Variants in SCN10A observed in about 807,000 individuals in gnomAD.
SCN10A encodes sodium channel protein type 10 subunit alpha.
In SCN10A, 162 loss-of-function variants were observed where a neutral mutation model predicts 170.7. The observed-to-expected ratio is 0.95, with a 90% confidence interval of 0.84 to 1.08. The LOEUF is 1.08. Among genes scored for constraint, SCN10A ranks in the 50% least tolerant of loss-of-function variants. The pLI is 0.00. For missense variants in SCN10A, 2,527 were observed against 2,436.9 expected, an observed-to-expected ratio of 1.04 and a Z score of -0.78; for synonymous variants, 985 against 904.6, an observed-to-expected ratio of 1.09 and a Z score of -1.59.
intron 1 of SCN10A, among the ~76,000 whole-genome samples, chr3:38,799,259 A>G (rs2126063876): frequency 6.6e-6 from 1 of 152,114 alleles, no homozygotes; most frequent in Admixed American, 6.5e-5. Flanking sequence ...TGAGGGCCAG[A>G]CCCAGGCCTA....
chr3:38,733,690 C>T (rs868177326), intron 15 of SCN10A, among the ~76,000 whole-genome samples: 19 of 151,842 alleles, frequency 1.3e-4, no homozygotes, highest in Middle Eastern at 3.4e-3. Flanking sequence ...TAATTTCTTT[C>T]CTTTTCTTTT....
chr3:38,798,916 AGTAGTGGAACTACAG>A (rs1408208120), intron 1 of SCN10A, among the ~76,000 whole-genome samples: 1 of 149,944 alleles, frequency 6.7e-6, no homozygotes, highest in Non-Finnish European at 1.5e-5. Flanking sequence ...CAGCCTCCCA[AGTAGTGGAACTACAG>A]GTATGTGCCA....
At chr3:38,779,541 A>G (rs984083498) in intron 4 of SCN10A, among the ~76,000 whole-genome samples, 1 of 151,860 alleles carries the variant, frequency 6.6e-6, no homozygotes, top group African/African-American at 2.4e-5. Flanking sequence ...GCTTTTTATA[A>G]TTATTAACTT....
At chr3:38,750,917 C>T (rs571650383) in intron 12 of SCN10A, among the ~76,000 whole-genome samples, 12 of 152,320 alleles carry the variant, frequency 7.9e-5, no homozygotes, top group Non-Finnish European at 8.8e-5. Context: ...GCACTCCCAG[C>T]GAGCCCTGCA....
chr3:38,798,741 C>T (rs2064354581), intron 1 of SCN10A, among the ~76,000 whole-genome samples: 1 of 151,216 alleles, frequency 6.6e-6, no homozygotes. Context: ...GGGCATTCAG[C>T]CCTCCCAAGA....
rs759383943 is a variant in SCN10A, at chr3:38,698,222, G to A, written c.4998C>T (p.Leu1666=). The change falls in exon 28 of 28, where the codon CTC becomes CTT. Residue 1666 remains leucine (L), a synonymous_variant. Transcript: ENST00000449082. ...GCCCTGTGTTGAGGATGGGGCTGAG[G>A]AGGCCATCCCAGCCGGCCGACGTGG... ...QITTSAGWDG[L]LSPILNTGPP... The A allele has an allele frequency of 1.2e-6, 2 of 1,614,158 alleles. No individual in the cohort carries two copies. The highest frequency in any genetic ancestry group is 1.7e-6 in the Non-Finnish European group (2 of 1,180,034).
At chr3:38,808,497 T>C (rs1392822113) in intron 1 of SCN10A, among the ~76,000 whole-genome samples, 1 of 152,230 alleles carries the variant, frequency 6.6e-6, no homozygotes, top group Non-Finnish European at 1.5e-5. Flanking sequence ...CATGTTCATA[T>C]CTTCCTCTGC....
chr3:38,808,067 C>T (rs572945753), intron 1 of SCN10A, among the ~76,000 whole-genome samples: 2 of 152,294 alleles, frequency 1.3e-5, no homozygotes, highest in Non-Finnish European at 1.5e-5. Context: ...ACATTCACCC[C>T]GTGTGAATGT....
At chr3:38,716,569 G>A (rs1312673354) in intron 21 of SCN10A, among the ~76,000 whole-genome samples, 3 of 152,080 alleles carry the variant, frequency 2.0e-5, no homozygotes, top group African/African-American at 4.8e-5. Flanking sequence ...CCAGTCTTAG[G>A]TATGTCTTTA....
chr3:38,814,237 T>C (rs951306548), intron 1 of SCN10A, among the ~76,000 whole-genome samples: 1 of 152,096 alleles, frequency 6.6e-6, no homozygotes, highest in Non-Finnish European at 1.5e-5. Context: ...GGATGCAAAC[T>C]GAATGAGAAA....
At chr3:38,769,239 C>CTTTTTTTTT (rs56406440) in intron 5 of SCN10A, among the ~76,000 whole-genome samples, 26 of 109,956 alleles carry the variant, frequency 2.4e-4, no homozygotes, top group Admixed American at 4.5e-4. Flanking sequence ...CTTCTGAATT[C>CTTTTTTTTT]TTTTTTTTTT....
At chr3:38,768,995 C>T (rs2063966934) in intron 5 of SCN10A, among the ~76,000 whole-genome samples, 1 of 152,024 alleles carries the variant, frequency 6.6e-6, no homozygotes, top group Admixed American at 6.5e-5. Flanking sequence ...CTATTAAAAG[C>T]TTTGTCTTCG....
chr3:38,737,267 G>C (rs185779729), intron 15 of SCN10A, among the ~76,000 whole-genome samples: 107 of 152,208 alleles, frequency 7.0e-4, no homozygotes, highest in African/African-American at 2.5e-3. Context: ...ACCGCGCCCA[G>C]CCTCGTATTT....
chr3:38,756,088 G>T, intron 10 of SCN10A, 130 bp from the exon 11 acceptor site: 1 of 969,596 alleles, frequency 1.0e-6, no homozygotes, highest in Non-Finnish European at 1.6e-6. Context: ...GACCAGGGTG[G>T]TGGTGGGATT....
chr3:38,708,502 G>T (rs1422945123), intron 25 of SCN10A, among the ~76,000 whole-genome samples: 1 of 152,178 alleles, frequency 6.6e-6, no homozygotes, highest in Non-Finnish European at 1.5e-5. Context: ...CAGAACCCTG[G>T]GCAAGGATTT....
chr3:38,739,489 C>A (rs778233737), intron 15 of SCN10A, 26 bp downstream of exon 15: 1 of 1,604,772 alleles, frequency 6.2e-7, no homozygotes, highest in Non-Finnish European at 8.5e-7. Context: ...GGGAGTTTCC[C>A]CAAGCCATCA....
intron 25 of SCN10A, among the ~76,000 whole-genome samples, chr3:38,709,110 G>T (rs949031974): frequency 2.6e-5 from 4 of 152,148 alleles, no homozygotes; most frequent in African/African-American, 9.7e-5. Context: ...TTCCTGAGGT[G>T]CCCTGACTCA....
chr3:38,728,544 C>A lies in SCN10A; in HGVS notation c.2638G>T (p.Val880Leu). The part of the protein sequence containing the change: ...FLTVMVLGNL[V>L]VLNLFIALLL... ...CCCCAGCAGGGTTCACCACTCACCA[C>A]CAGGTTCCCTAGCACCATCACCGTC... The change falls in exon 16 of 28, where the codon GTG (valine) becomes TTG (leucine). Residue 880 changes from valine (V) to leucine (L), a missense_variant and splice_region_variant. Transcript: ENST00000449082. 2 of 1,577,838 alleles carry A rather than the reference C, an allele frequency of 1.3e-6. No homozygotes were observed. The highest frequency in any genetic ancestry group is 1.7e-6 in the Non-Finnish European group (2 of 1,158,374).
Position 38,715,239 on chromosome 3 carries a change from T to C in SCN10A, c.3682-1159A>G, listed in dbSNP as rs1181767264. Among the ~76,000 whole-genome samples, 4 of 152,126 alleles carry C rather than the reference T, an allele frequency of 2.6e-5. No homozygotes were observed. In the East Asian group the frequency reaches 7.7e-4, roughly 29 times the overall value. On this transcript the variant is annotated intron_variant, in intron 21 of 27. Coordinates refer to ENST00000449082, the MANE Select transcript of SCN10A (RefSeq NM_006514.4). ...CCCTGGGAAGTCTGCCTCACATGGA[T>C]AATCTGCAGCTGGGGCAGACAGGTG...
Sources: allele counts gnomAD v4.1 joint callset (sites outside exome capture counted in the v4.1 genomes callset), GRCh38; gene constraint gnomAD v4.1.1; transcripts MANE v1.5; gene names NCBI Gene and HGNC (gene_info 2026-07-23, HGNC 2026-07-21).